DNAH11: variants seen among roughly 807,000 people sequenced by gnomAD.
The protein encoded by DNAH11 is axonemal beta dynein heavy chain 11.
Under a neutral mutation model 526.0 loss-of-function variants are expected in DNAH11, and 442 were observed. The observed-to-expected ratio is 0.84, with a 90% CI of 0.78 to 0.91. The LOEUF (loss-of-function observed/expected upper bound fraction) is 0.91, where lower values mean the gene tolerates loss of function less well. Ranked by LOEUF, DNAH11 falls within the 40% of genes least tolerant of loss-of-function variation. DNAH11 has a pLI of 0.00. For synonymous variants in DNAH11, 2,461 were observed against 1,935.9 expected, an observed-to-expected ratio of 1.27 and a Z score of -7.12; for missense variants, 6,989 against 5,448.7, an observed-to-expected ratio of 1.28 and a Z score of -8.90.
intron 54 of DNAH11, among the ~76,000 whole-genome samples, chr7:21,754,276 C>G (rs1007307808): frequency 6.6e-6 from 1 of 152,100 alleles, no homozygotes; most frequent in African/African-American, 2.4e-5. Flanking sequence ...AAGTATCTAC[C>G]TAGTAAATTC....
At chr7:21,733,599 C>T (rs1030106936) in intron 45 of DNAH11, among the ~76,000 whole-genome samples, 2 of 152,166 alleles carry the variant, frequency 1.3e-5, no homozygotes, top group East Asian at 1.9e-4. Flanking sequence ...TGCACCTTAG[C>T]GATGATATCT....
intron 28 of DNAH11, among the ~76,000 whole-genome samples, chr7:21,641,400 G>A (rs1346910862): frequency 6.6e-6 from 1 of 152,284 alleles, no homozygotes; most frequent in African/African-American, 2.4e-5. Flanking sequence ...ATGCATGGAG[G>A]TAGAGGAGGG....
chr7:21,663,778 C>A (rs1422906349), intron 30 of DNAH11, among the ~76,000 whole-genome samples: 2 of 147,302 alleles, frequency 1.4e-5, no homozygotes, highest in African/African-American at 2.5e-5. Flanking sequence ...TTTAAAGACA[C>A]AATAGTATTT....
intron 44 of DNAH11, among the ~76,000 whole-genome samples, chr7:21,721,956 T>C (rs896823166): frequency 1.3e-5 from 2 of 152,228 alleles, no homozygotes; most frequent in Non-Finnish European, 2.9e-5. Flanking sequence ...AAGTGAAATA[T>C]TCATGCCTGT....
intron 57 of DNAH11, among the ~76,000 whole-genome samples, chr7:21,780,409 T>C (rs79192396): frequency 0.015 from 2,344 of 152,268 alleles, 36 homozygotes; most frequent in Non-Finnish European, 0.023. Flanking sequence ...AGACAAAGCG[T>C]GTTATTCCAT....
rs186176667 is a variant in DNAH11, at chr7:21,551,081, G to T, written c.495+5932G>T. On this transcript the variant is annotated intron_variant, in intron 2 of 81. Transcript: ENST00000409508. ...TCACACAGAGCCTGGGGTCCCCGAA[G>T]ACTCCCTTTGTATAATATAGATATT... Among the ~76,000 whole-genome samples, 14 of 152,244 alleles carry T rather than the reference G, an allele frequency of 9.2e-5. No homozygotes were observed. In the East Asian group the frequency reaches 2.7e-3, roughly 29 times the overall value.
At chr7:21,757,811 A>G (rs111534894) in intron 54 of DNAH11, among the ~76,000 whole-genome samples, 29 of 152,228 alleles carry the variant, frequency 1.9e-4, no homozygotes, top group Non-Finnish European at 3.7e-4. Context: ...AGACACACAC[A>G]TGACATAAGC....
chr7:21,723,269 T>C (rs987787584), intron 44 of DNAH11, among the ~76,000 whole-genome samples: 2 of 152,182 alleles, frequency 1.3e-5, no homozygotes, highest in Non-Finnish European at 2.9e-5. Context: ...TCTATATGGA[T>C]TGGTACAACT....
intron 75 of DNAH11, among the ~76,000 whole-genome samples, 166 bp from the exon 76 acceptor site, chr7:21,884,125 C>A (rs1048126179): frequency 2.0e-5 from 3 of 152,156 alleles, no homozygotes; most frequent in Non-Finnish European, 4.4e-5. Flanking sequence ...AATAATTCTC[C>A]CAAGAAATTC....
chr7:21,818,280 G>A lies in DNAH11; in HGVS notation c.10632G>A (p.Glu3544=). 1 of 1,611,906 alleles carries A rather than the reference G, an allele frequency of 6.2e-7. No individual in the cohort carries two copies. The highest frequency in any genetic ancestry group is 8.5e-7 in the Non-Finnish European group (1 of 1,178,930). The part of the protein sequence containing the change: ...FGDVILIENL[E]ETIDPVLDPL... ...ATGTCATCTTAATTGAAAATCTCGAGGAAACGATAGATCCAGTCCTGGATC... is the reference window on the plus strand; with the variant it reads ...ATGTCATCTTAATTGAAAATCTCGAAGAAACGATAGATCCAGTCCTGGATC... Residue 3544 remains glutamate (E), a synonymous_variant, in exon 65 of 82, where the codon GAG becomes GAA. Coordinates refer to ENST00000409508, the MANE Select transcript of DNAH11 (RefSeq NM_001277115.2).
At chr7:21,595,046 G>A (rs954072573) in intron 14 of DNAH11, among the ~76,000 whole-genome samples, 4 of 152,150 alleles carry the variant, frequency 2.6e-5, no homozygotes, top group Non-Finnish European at 4.4e-5. Flanking sequence ...TAGGGGTTCC[G>A]TATGTTCAGG....
intron 32 of DNAH11, among the ~76,000 whole-genome samples, chr7:21,686,686 A>G (rs961348984): frequency 6.6e-6 from 1 of 152,216 alleles, no homozygotes; most frequent in African/African-American, 2.4e-5. Context: ...TAGCAGTTTA[A>G]TACAGCCAAT....
At chr7:21,846,695 G>A (rs574117608) in intron 66 of DNAH11, among the ~76,000 whole-genome samples, 210 of 152,178 alleles carry the variant, frequency 1.4e-3, no homozygotes, top group Non-Finnish European at 1.7e-3. Flanking sequence ...GGTTTATCTG[G>A]TTTTGGTCTT....
At chr7:21,774,871 A>C (rs1318369955) in intron 56 of DNAH11, among the ~76,000 whole-genome samples, 1 of 152,164 alleles carries the variant, frequency 6.6e-6, no homozygotes, top group Non-Finnish European at 1.5e-5. Context: ...ACTAGTGATC[A>C]CCTCAAGACT....
At chr7:21,782,946 A>G (rs1788015156) in intron 57 of DNAH11, among the ~76,000 whole-genome samples, 1 of 151,992 alleles carries the variant, frequency 6.6e-6, no homozygotes, top group Non-Finnish European at 1.5e-5. Flanking sequence ...AGCACTTAAA[A>G]GAAATACTCT....
At chr7:21,710,456 G>A (rs1784417709) in intron 40 of DNAH11, 97 bp from the exon 41 acceptor site, 1 of 1,122,716 alleles carries the variant, frequency 8.9e-7, no homozygotes, top group Non-Finnish European at 1.3e-6. Flanking sequence ...GAAAGAGGCA[G>A]CAAAATCGTT....
intron 8 of DNAH11, among the ~76,000 whole-genome samples, chr7:21,574,089 T>C (rs767266584): frequency 1.3e-5 from 2 of 152,232 alleles, no homozygotes; most frequent in Non-Finnish European, 2.9e-5. Context: ...AATGTTACTT[T>C]AGGTGTTTTC....
At chr7:21,612,275 G>T (rs1785553118) in intron 20 of DNAH11, among the ~76,000 whole-genome samples, 2 of 152,026 alleles carry the variant, frequency 1.3e-5, no homozygotes, top group South Asian at 2.1e-4. Flanking sequence ...GACTAAGAAG[G>T]CTGGGCATGG....
intron 9 of DNAH11, 134 bp downstream of exon 9, chr7:21,582,155 C>T: frequency 1.7e-6 from 1 of 597,066 alleles, no homozygotes; most frequent in Admixed American, 3.0e-5. Context: ...ATTCAGCTCA[C>T]TGAATAATAA....
Sources: allele counts gnomAD v4.1 joint callset (sites outside exome capture counted in the v4.1 genomes callset), GRCh38; gene constraint gnomAD v4.1.1; transcripts MANE v1.5; gene names NCBI Gene and HGNC (gene_info 2026-07-23, HGNC 2026-07-21).